The following CCDC7 variants were observed in gnomAD, a reference collection of about 807,000 sequenced individuals.
The protein encoded by CCDC7 is coiled-coil domain containing 7.
In CCDC7, 183 loss-of-function variants were observed where a neutral mutation model predicts 196.9. The observed-to-expected ratio is 0.93, with a 90% CI of 0.82 to 1.05. The LOEUF (loss-of-function observed/expected upper bound fraction) is 1.05, where lower values mean the gene tolerates loss of function less well. CCDC7 is among the 50% of genes least tolerant of loss of function. The pLI is 0.00. For synonymous variants in CCDC7, 525 were observed against 484.6 expected (o/e 1.08, Z -1.10); for missense variants, 1,540 against 1,482.2 (o/e 1.04, Z -0.64).
At chr10:32,599,221 C>G (rs950359370) in intron 18 of CCDC7, among the ~76,000 whole-genome samples, 2 of 152,128 alleles carry the variant, frequency 1.3e-5, no homozygotes, top group African/African-American at 4.8e-5. Flanking sequence ...ATTAGTGTAG[C>G]CATGCCAGAT....
chr10:32,827,355 G>A (rs1314760186), intron 32 of CCDC7, among the ~76,000 whole-genome samples: 1 of 152,162 alleles, frequency 6.6e-6, no homozygotes, highest in East Asian at 1.9e-4. Flanking sequence ...GTGGCAGGTT[G>A]ATTATATGGG....
intron 20 of CCDC7, among the ~76,000 whole-genome samples, chr10:32,648,081 G>A (rs774616147): frequency 2.0e-5 from 3 of 152,160 alleles, no homozygotes; most frequent in Admixed American, 6.5e-5. Flanking sequence ...TTATTGAATT[G>A]GGAGCCCTTT....
At chr10:32,678,003 C>T (rs1254047077) in intron 21 of CCDC7, among the ~76,000 whole-genome samples, 6 of 151,938 alleles carry the variant, frequency 3.9e-5, no homozygotes, top group Admixed American at 3.9e-4. Context: ...TTGAGGCTAT[C>T]TATGAAATTT....
At chr10:32,499,936 A>G (rs552259709) in intron 9 of CCDC7, among the ~76,000 whole-genome samples, 1 of 152,366 alleles carries the variant, frequency 6.6e-6, no homozygotes, top group Admixed American at 6.5e-5. Flanking sequence ...TTATAGATTA[A>G]CAGCATCCCA....
intron 37 of CCDC7, 86 bp downstream of exon 38, chr10:32,846,545 G>A: frequency 1.3e-6 from 1 of 756,906 alleles, no homozygotes; most frequent in Non-Finnish European, 2.2e-6. Context: ...AATGACAATA[G>A]TGCCTACATG....
exon 22 of CCDC7, chr10:32,686,027 A>C (rs768413255): frequency 6.3e-7 from 1 of 1,589,584 alleles, no homozygotes; most frequent in Non-Finnish European, 8.6e-7. Context: ...TCATTGTCAA[A>C]AACCAAATTA....
chr10:32,710,287 A>G (rs774121840), intron 24 of CCDC7, among the ~76,000 whole-genome samples: 2 of 152,238 alleles, frequency 1.3e-5, no homozygotes, highest in African/African-American at 2.4e-5. Flanking sequence ...TATTTAAACC[A>G]TGAGTCTCAA....
At chr10:32,623,102 G>C (rs1472026005) in intron 18 of CCDC7, among the ~76,000 whole-genome samples, 5 of 151,958 alleles carry the variant, frequency 3.3e-5, no homozygotes, top group Non-Finnish European at 7.4e-5. Context: ...TGTTGATTTT[G>C]TTAACTTTTT....
Position 32,707,791 on chromosome 10 carries a change from A to C in CCDC7, c.2459-3829A>C, listed in dbSNP as rs199647498. The stretch of plus-strand genomic sequence containing the variant: ...GACGTGAAGGACCTCTTCAAGGAGA[A>C]CTACAAACCACTGCTCAATGAAATA... On this transcript the variant is annotated intron_variant, in intron 24 of 41. Transcript: ENST00000639629. Among the ~76,000 whole-genome samples, 26 of 152,294 alleles carry C rather than the reference A, an allele frequency of 1.7e-4. No homozygotes were observed. The East Asian group carries it at 4.4e-3, about 26-fold the overall frequency.
intron 41 of CCDC7, among the ~76,000 whole-genome samples, chr10:32,862,307 A>G (rs1289432811): frequency 6.6e-6 from 1 of 152,090 alleles, no homozygotes; most frequent in Non-Finnish European, 1.5e-5. Context: ...ACAGCAAACT[A>G]ACACAAGAAC....
At chr10:32,695,316 G>T (rs2077571758) in intron 24 of CCDC7, among the ~76,000 whole-genome samples, 1 of 152,170 alleles carries the variant, frequency 6.6e-6, no homozygotes, top group Non-Finnish European at 1.5e-5. Context: ...TGGGACATGT[G>T]GCAGTATCCT....
chr10:32,763,049 A>G (rs2077699354), intron 28 of CCDC7, among the ~76,000 whole-genome samples: 1 of 152,126 alleles, frequency 6.6e-6, no homozygotes, highest in Non-Finnish European at 1.5e-5. Context: ...GACAAAGGAA[A>G]TAATGCAGAA....
intron 2 of CCDC7, 128 bp downstream of exon 3, chr10:32,453,564 A>G: frequency 1.6e-6 from 1 of 627,814 alleles, no homozygotes; most frequent in Non-Finnish European, 2.3e-6. Flanking sequence ...TTTCCCATCC[A>G]TGAAAATGAT....
chr10:32,452,319 T>G (rs1360611174), intron 1 of CCDC7, among the ~76,000 whole-genome samples: 1 of 152,214 alleles, frequency 6.6e-6, no homozygotes, highest in African/African-American at 2.4e-5. Flanking sequence ...TTAGGGACAG[T>G]GAGCTGCTTC....
At chr10:32,643,543 A>T (rs1270512817) in intron 20 of CCDC7, among the ~76,000 whole-genome samples, 3 of 151,560 alleles carry the variant, frequency 2.0e-5, no homozygotes. Context: ...AAATATTTTG[A>T]GCTGCTTTTT....
At chr10:32,621,376 A>T (rs1029184072) in intron 18 of CCDC7, among the ~76,000 whole-genome samples, 3 of 152,200 alleles carry the variant, frequency 2.0e-5, no homozygotes, top group Non-Finnish European at 2.9e-5. Context: ...CAATTTCCAA[A>T]GCCTTACATG....
intron 2 of CCDC7, 82 bp from the exon 4 acceptor site, chr10:32,456,169 A>G: frequency 3.1e-6 from 4 of 1,296,018 alleles, no homozygotes; most frequent in Admixed American, 3.0e-5. Context: ...AAAATTTTTC[A>G]AAAAGTAAAT....
chr10:32,699,916 G>C (rs1232123637), intron 24 of CCDC7, among the ~76,000 whole-genome samples: 1 of 149,194 alleles, frequency 6.7e-6, no homozygotes, highest in African/African-American at 2.6e-5. Context: ...TTTTTTTCTT[G>C]TAAATTTGTT....
chr10:32,752,608 A>T (rs1413363008), intron 28 of CCDC7, among the ~76,000 whole-genome samples: 1 of 152,172 alleles, frequency 6.6e-6, no homozygotes, highest in African/African-American at 2.4e-5. Context: ...AATATATAAA[A>T]TAGGACAAGC....
Sources: allele counts gnomAD v4.1 joint callset (sites outside exome capture counted in the v4.1 genomes callset), GRCh38; gene constraint gnomAD v4.1.1; transcripts MANE v1.5; gene names NCBI Gene and HGNC (gene_info 2026-07-23, HGNC 2026-07-21).